Variants in DHRSX observed in about 807,000 individuals in gnomAD.
DHRSX encodes dehydrogenase/reductase X-linked.
A neutral mutation model predicts 34.0 loss-of-function variants in DHRSX; 31 were observed. That is an observed-to-expected ratio of 0.91 (90% confidence interval 0.69 to 1.23). The LOEUF is 1.23. Ranked by LOEUF, DHRSX falls within the 50% of genes most tolerant of loss-of-function variation. The pLI is 0.00. For synonymous variants in DHRSX, 201 were observed against 183.8 expected (o/e 1.09, Z -0.76); for missense variants, 414 against 428.1 (o/e 0.97, Z 0.29).
At chrX:2,371,843 G>C (rs181256533) in intron 3 of DHRSX, among the ~76,000 whole-genome samples, 1 of 152,050 alleles carries the variant, frequency 6.6e-6, no homozygotes, top group South Asian at 2.1e-4. Context: ...TGTGTATCTG[G>C]TGTCTCTGTC....
Position 2,219,587 on chromosome X carries a change from C to A in DHRSX, c.*1454G>T, listed in dbSNP as rs2015480831. 6.6e-6 allele frequency: 1 copy of A among 152,138 alleles called. No individual in the cohort carries two copies. The highest frequency in any genetic ancestry group is 2.4e-5 in the African/African-American group (1 of 41,430). The allele number at this position is 152,138 out of a possible 1,614,324, so 9.4% of individuals were successfully genotyped here. ...CAGGGCAACCTTCCCCATCTGGGAACAATCTAGCAGTCATGTAAGAAGCAC... is the reference window on the plus strand; with the variant it reads ...CAGGGCAACCTTCCCCATCTGGGAAAAATCTAGCAGTCATGTAAGAAGCAC... On this transcript the variant is annotated 3_prime_UTR_variant, in exon 7 of 7. Coordinates refer to ENST00000334651, the MANE Select transcript of DHRSX (RefSeq NM_145177.3).
chrX:2,426,635 T>C (rs2043852785), intron 1 of DHRSX, among the ~76,000 whole-genome samples: 1 of 149,360 alleles, frequency 6.7e-6, no homozygotes, highest in African/African-American at 2.5e-5. Context: ...CCTTTCTTCT[T>C]TACTTCCTTG....
intron 5 of DHRSX, among the ~76,000 whole-genome samples, chrX:2,263,128 G>A (rs2041386182): frequency 6.6e-6 from 1 of 152,212 alleles, no homozygotes; most frequent in Admixed American, 6.5e-5. Flanking sequence ...TCCGAGTGTG[G>A]CATTAACGCT....
intron 3 of DHRSX, among the ~76,000 whole-genome samples, chrX:2,353,284 T>C (rs1352115437): frequency 2.6e-5 from 4 of 152,020 alleles, no homozygotes; most frequent in Admixed American, 6.6e-5. Context: ...CCTGAAGCCA[T>C]GTGTATGTCA....
chrX:2,421,488 A>G (rs182598710), intron 2 of DHRSX, among the ~76,000 whole-genome samples: 1 of 152,338 alleles, frequency 6.6e-6, no homozygotes. Flanking sequence ...CGGAGCAAGG[A>G]GCCATGTGCG....
chrX:2,365,030 A>G (rs1367812466), intron 3 of DHRSX, among the ~76,000 whole-genome samples: 1 of 152,056 alleles, frequency 6.6e-6, no homozygotes, highest in African/African-American at 2.4e-5. Context: ...CTATCTATCT[A>G]TCTGTCTGTC....
intron 3 of DHRSX, among the ~76,000 whole-genome samples, chrX:2,370,996 C>T (rs1307635849): frequency 6.6e-6 from 1 of 152,090 alleles, no homozygotes; most frequent in Non-Finnish European, 1.5e-5. Context: ...ATGCTGCCTG[C>T]GCTCCAAGAG....
chrX:2,448,837 C>A (rs950764111), intron 1 of DHRSX, among the ~76,000 whole-genome samples: 7 of 152,148 alleles, frequency 4.6e-5, no homozygotes, highest in Non-Finnish European at 8.8e-5. Flanking sequence ...GTTTACACGA[C>A]CATGACACAA....
intron 3 of DHRSX, among the ~76,000 whole-genome samples, chrX:2,343,927 G>A (rs1017700701): frequency 1.3e-5 from 2 of 152,166 alleles, no homozygotes; most frequent in Admixed American, 6.5e-5. Context: ...ACTAAATGCT[G>A]CCGGCACACA....
chrX:2,488,688 C>CT, intron 1 of DHRSX: 1 of 1,613,646 alleles, frequency 6.2e-7, no homozygotes, highest in Non-Finnish European at 8.5e-7. Flanking sequence ...ACGCCATCCC[C>CT]CAAGGAGAAC....
intron 1 of DHRSX, among the ~76,000 whole-genome samples, chrX:2,447,286 C>A (rs2044151062): frequency 6.6e-6 from 1 of 152,020 alleles, no homozygotes; most frequent in Non-Finnish European, 1.5e-5. Context: ...GGACTGCCAC[C>A]GTGTACACAC....
intron 3 of DHRSX, among the ~76,000 whole-genome samples, chrX:2,318,429 A>T (rs1236647765): frequency 2.6e-5 from 4 of 152,136 alleles, no homozygotes; most frequent in Admixed American, 6.6e-5. Context: ...ATTAAGATAC[A>T]GGTCCTAAGG....
chrX:2,469,700 G>A (rs1445464670), intron 1 of DHRSX, among the ~76,000 whole-genome samples: 4 of 151,478 alleles, frequency 2.6e-5, no homozygotes, highest in African/African-American at 2.4e-5. Context: ...CTAAGGGACC[G>A]CCACCATGTA....
chrX:2,274,284 C>T (rs1326993919), intron 4 of DHRSX, among the ~76,000 whole-genome samples: 8 of 152,038 alleles, frequency 5.3e-5, no homozygotes, highest in East Asian at 3.9e-4. Flanking sequence ...CTGATCCTCC[C>T]GCCTTGGCCT....
At chrX:2,491,389 G>A (rs1193922290) in intron 1 of DHRSX, among the ~76,000 whole-genome samples, 3 of 152,122 alleles carry the variant, frequency 2.0e-5, no homozygotes, top group Non-Finnish European at 4.4e-5. Flanking sequence ...CTCTGTCATC[G>A]CAGGGGCTTG....
At chrX:2,372,743 G>A (rs1265647650) in intron 3 of DHRSX, among the ~76,000 whole-genome samples, 1 of 151,820 alleles carries the variant, frequency 6.6e-6, no homozygotes, top group African/African-American at 2.4e-5. Flanking sequence ...CGAGTAGCTG[G>A]GATTACAGGC....
rs753552378 is a variant in DHRSX at position 2,286,289 on chromosome X, A to C, written c.388+5213T>G. On this transcript the variant is annotated intron_variant, in intron 4 of 6. Transcript: ENST00000334651. ...TATAGAATCCAGCCTCGTCATTTGCACACCATGAAGATGAATTCTGATGCA... is the reference window on the plus strand; with the variant it reads ...TATAGAATCCAGCCTCGTCATTTGCCCACCATGAAGATGAATTCTGATGCA... Among the ~76,000 whole-genome samples, 4 of 152,174 alleles carry C rather than the reference A, an allele frequency of 2.6e-5. No individual in the cohort carries two copies. The South Asian group carries it at 8.3e-4, about 32-fold the overall frequency.
rs773353964 is a variant in DHRSX, at chrX:2,427,486, G to A, written c.110-2182C>T. On this transcript the variant is annotated intron_variant, in intron 1 of 6. Transcript: ENST00000334651. ...CTGCAGGGACTGACGGGGGAGCTCC[G>A]CCACAGTTCAGCACAGGTGGTATGA... is the stretch of plus-strand genomic sequence containing the variant. Among the ~76,000 whole-genome samples the A allele has an allele frequency of 4.9e-4, 75 of 152,310 alleles. No homozygotes were observed. The East Asian group carries it at 0.013, about 26-fold the overall frequency.
chrX:2,270,981 A>G (rs2041544974), intron 4 of DHRSX, among the ~76,000 whole-genome samples: 1 of 152,250 alleles, frequency 6.6e-6, no homozygotes, highest in Non-Finnish European at 1.5e-5. Flanking sequence ...TGGACCAGTC[A>G]GCAGGATGTG....
Sources: gnomAD v4.1 joint callset for allele counts (sites outside exome capture counted in the v4.1 genomes callset) on GRCh38, gnomAD v4.1.1 for gene constraint, MANE v1.5 for transcripts, NCBI Gene and HGNC (gene_info 2026-07-23, HGNC 2026-07-21) for gene names.